TMEM135: variants seen among roughly 807,000 people sequenced by gnomAD.
The protein encoded by TMEM135 is peroxisomal membrane protein 52.
Under a neutral mutation model 60.3 loss-of-function variants are expected in TMEM135, and 30 were observed. The observed-to-expected ratio is 0.50, with a 90% CI of 0.37 to 0.68. TMEM135 has a LOEUF of 0.68. Among genes scored for constraint, TMEM135 ranks in the 30% least tolerant of loss-of-function variants. TMEM135 has a pLI of 0.00. For synonymous variants in TMEM135, 190 were observed against 186.7 expected (o/e 1.02, Z -0.14); for missense variants, 468 against 548.8 (o/e 0.85, Z 1.47).
intron 4 of TMEM135, among the ~76,000 whole-genome samples, chr11:87,102,712 ATG>A (rs1491284729): frequency 9.0e-5 from 5 of 55,688 alleles, no homozygotes; most frequent in East Asian, 5.8e-4. Flanking sequence ...ATGTATATAT[ATG>A]TATATATATA....
At chr11:87,136,367 A>T (rs1388557669) in intron 4 of TMEM135, among the ~76,000 whole-genome samples, 1 of 151,986 alleles carries the variant, frequency 6.6e-6, no homozygotes. Flanking sequence ...CATTCAGTGT[A>T]TTATTCTTCT....
At chr11:87,192,052 G>A (rs1939819653) in intron 5 of TMEM135, among the ~76,000 whole-genome samples, 3 of 144,412 alleles carry the variant, frequency 2.1e-5, no homozygotes, top group Non-Finnish European at 4.5e-5. Flanking sequence ...CGCGATCTGG[G>A]CTTACTGCAA....
At chr11:87,290,558 G>T (rs1425291339) in intron 6 of TMEM135, among the ~76,000 whole-genome samples, 1 of 152,116 alleles carries the variant, frequency 6.6e-6, no homozygotes, top group Non-Finnish European at 1.5e-5. Context: ...AAATATCTTT[G>T]TGGGTAGAAT....
At chr11:87,155,080 C>T (rs1461433689) in intron 4 of TMEM135, among the ~76,000 whole-genome samples, 1 of 133,130 alleles carries the variant, frequency 7.5e-6, no homozygotes, top group African/African-American at 2.8e-5. Context: ...CTCACTGCAA[C>T]CTCCGTCTCC....
chr11:87,315,499 T>C (rs1942712827), intron 12 of TMEM135, among the ~76,000 whole-genome samples: 1 of 151,954 alleles, frequency 6.6e-6, no homozygotes, highest in Non-Finnish European at 1.5e-5. Context: ...GCTTAGGTGT[T>C]GATAGAGCCA....
chr11:87,192,901 G>A (rs749343628), intron 5 of TMEM135, among the ~76,000 whole-genome samples: 1 of 152,118 alleles, frequency 6.6e-6, no homozygotes, highest in South Asian at 2.1e-4. Context: ...GATCACTTGA[G>A]ATCAGGAGTT....
At chr11:87,251,008 T>C (rs1941405370) in intron 6 of TMEM135, among the ~76,000 whole-genome samples, 1 of 152,052 alleles carries the variant, frequency 6.6e-6, no homozygotes. Context: ...GGATTGCTGC[T>C]TGGATGAGGA....
At chr11:87,207,369 TCTGTTATTCC>T (rs2135338615) in intron 5 of TMEM135, among the ~76,000 whole-genome samples, 1 of 152,328 alleles carries the variant, frequency 6.6e-6, no homozygotes, top group Non-Finnish European at 1.5e-5. Flanking sequence ...TGGCTCTTTT[TCTGTTATTCC>T]CTGTGATCTT....
At chr11:87,089,089 G>A (rs61904179) in intron 3 of TMEM135, among the ~76,000 whole-genome samples, 7,575 of 152,184 alleles carry the variant, frequency 0.05, 259 homozygotes, top group South Asian at 0.097. Context: ...AAACATAAAT[G>A]AATTTTATGT....
At chr11:87,252,535 G>A (rs1168994209) in intron 6 of TMEM135, among the ~76,000 whole-genome samples, 1 of 152,114 alleles carries the variant, frequency 6.6e-6, no homozygotes, top group African/African-American at 2.4e-5. Flanking sequence ...CACTTTGGGA[G>A]GCTGAGGCAG....
At chr11:87,140,342 C>G (rs1294935449) in intron 4 of TMEM135, among the ~76,000 whole-genome samples, 2 of 152,196 alleles carry the variant, frequency 1.3e-5, no homozygotes, top group Admixed American at 1.3e-4. Flanking sequence ...GCTGGGATTA[C>G]AGGTGTGAGC....
At chr11:87,108,081 T>A (rs1354048724) in intron 4 of TMEM135, among the ~76,000 whole-genome samples, 2 of 152,352 alleles carry the variant, frequency 1.3e-5, no homozygotes, top group South Asian at 2.1e-4. Flanking sequence ...TGTCTGTTCA[T>A]ATCCTTTGCC....
chr11:87,179,995 G>A (rs1248460961), intron 5 of TMEM135, among the ~76,000 whole-genome samples: 4 of 151,936 alleles, frequency 2.6e-5, no homozygotes, highest in African/African-American at 9.7e-5. Context: ...CTCCCAGCTT[G>A]GACTCCAGGG....
At chr11:87,271,279 C>T (rs867707533) in intron 6 of TMEM135, among the ~76,000 whole-genome samples, 4 of 152,102 alleles carry the variant, frequency 2.6e-5, no homozygotes, top group African/African-American at 7.2e-5. Flanking sequence ...ACAGTATGGT[C>T]ACATTAATGT....
chr11:87,041,550 A>G (rs1949750206), intron 1 of TMEM135, among the ~76,000 whole-genome samples: 1 of 152,230 alleles, frequency 6.6e-6, no homozygotes, highest in African/African-American at 2.4e-5. Flanking sequence ...TAGAAAAATT[A>G]CCGAATCGCA....
chr11:87,061,242 A>G (rs576822487), intron 1 of TMEM135, among the ~76,000 whole-genome samples: 12 of 152,308 alleles, frequency 7.9e-5, no homozygotes, highest in South Asian at 2.1e-4. Context: ...TTCTTACTCA[A>G]TAAGGGGCAC....
At chr11:87,131,965 G>C (rs1458560281) in intron 4 of TMEM135, among the ~76,000 whole-genome samples, 2 of 152,036 alleles carry the variant, frequency 1.3e-5, no homozygotes, top group Non-Finnish European at 2.9e-5. Flanking sequence ...TGAAGGATCT[G>C]GTTGCTCACT....
At chr11:87,106,348 T>A (rs1037547602) in intron 4 of TMEM135, among the ~76,000 whole-genome samples, 3 of 152,044 alleles carry the variant, frequency 2.0e-5, no homozygotes, top group Admixed American at 2.0e-4. Context: ...AGCTGACCCA[T>A]CCGCCTTAGC....
At chr11:87,066,328 C>T (rs1470742560) in intron 1 of TMEM135, among the ~76,000 whole-genome samples, 1 of 152,126 alleles carries the variant, frequency 6.6e-6, no homozygotes, top group Non-Finnish European at 1.5e-5. Flanking sequence ...CAGCTCATAT[C>T]CCGTTCTCCA....
Sources: allele counts gnomAD v4.1 joint callset (sites outside exome capture counted in the v4.1 genomes callset), GRCh38; gene constraint gnomAD v4.1.1; transcripts MANE v1.5; gene names NCBI Gene and HGNC (gene_info 2026-07-23, HGNC 2026-07-21).